The following NRG3 variants were observed in gnomAD, a reference collection of about 807,000 sequenced individuals.
NRG3 encodes neuregulin 3.
NRG3 carries 31 observed loss-of-function variants against 66.9 expected under a neutral mutation model. The observed-to-expected ratio is 0.46, with a 90% CI of 0.35 to 0.63. The LOEUF is 0.63. Ranked by LOEUF, NRG3 falls within the 20% of genes least tolerant of loss-of-function variation. NRG3 has a pLI of 0.00. For synonymous variants in NRG3, 393 were observed against 359.4 expected, an observed-to-expected ratio of 1.09 and a Z score of -1.06; for missense variants, 910 against 878.9, an observed-to-expected ratio of 1.04 and a Z score of -0.45.
intron 1 of NRG3, among the ~76,000 whole-genome samples, chr10:82,118,298 C>T (rs2067857544): frequency 6.6e-6 from 1 of 151,836 alleles, no homozygotes; most frequent in Non-Finnish European, 1.5e-5. Flanking sequence ...TCCAGGGGCC[C>T]TCTTTTTTCC....
chr10:82,911,631 T>C (rs1204954535), intron 4 of NRG3, among the ~76,000 whole-genome samples: 1 of 151,768 alleles, frequency 6.6e-6, no homozygotes, highest in East Asian at 1.9e-4. Context: ...TCTTTCATTT[T>C]TTTCTTAGTT....
intron 2 of NRG3, among the ~76,000 whole-genome samples, chr10:82,642,535 AGAT>A (rs2050655825): frequency 6.6e-6 from 1 of 152,006 alleles, no homozygotes; most frequent in South Asian, 2.1e-4. Context: ...ATAGAAAATC[AGAT>A]GATGGAGAAA....
At chr10:82,052,396 C>T (rs986194419) in intron 1 of NRG3, among the ~76,000 whole-genome samples, 3 of 141,294 alleles carry the variant, frequency 2.1e-5, no homozygotes, top group Non-Finnish European at 4.7e-5. Context: ...CTTACAGTGA[C>T]AGCCAACCAC....
chr10:82,639,022 C>G (rs984499768), intron 2 of NRG3, among the ~76,000 whole-genome samples: 2 of 152,136 alleles, frequency 1.3e-5, no homozygotes, highest in Non-Finnish European at 2.9e-5. Context: ...GAAAACATCC[C>G]CTTCAACTCT....
chr10:82,974,357 G>A (rs1347772632), intron 7 of NRG3, among the ~76,000 whole-genome samples: 1 of 152,084 alleles, frequency 6.6e-6, no homozygotes, highest in Non-Finnish European at 1.5e-5. Flanking sequence ...TTCTTCTTGG[G>A]TCTATAAAAT....
intron 2 of NRG3, among the ~76,000 whole-genome samples, chr10:82,616,247 A>G (rs1210527718): frequency 6.6e-6 from 1 of 152,156 alleles, no homozygotes; most frequent in Non-Finnish European, 1.5e-5. Context: ...ATTTAATTAG[A>G]TGTATTTTTT....
chr10:82,154,211 T>C (rs1406951252), intron 1 of NRG3, among the ~76,000 whole-genome samples: 1 of 152,022 alleles, frequency 6.6e-6, no homozygotes, highest in Non-Finnish European at 1.5e-5. Flanking sequence ...TCAGGCCTTA[T>C]ATTTAAGTCT....
chr10:82,414,850 A>G (rs1489816659), intron 2 of NRG3, among the ~76,000 whole-genome samples: 2 of 152,150 alleles, frequency 1.3e-5, no homozygotes, highest in Non-Finnish European at 2.9e-5. Flanking sequence ...TGAAAACAGG[A>G]AGGATTCTTG....
At chr10:82,824,133 G>A (rs1041959026) in intron 3 of NRG3, among the ~76,000 whole-genome samples, 7 of 151,954 alleles carry the variant, frequency 4.6e-5, no homozygotes, top group African/African-American at 1.7e-4. Flanking sequence ...TTATACTTAC[G>A]TAGCCTTTTG....
intron 3 of NRG3, among the ~76,000 whole-genome samples, chr10:82,814,104 G>A (rs2061608772): frequency 6.6e-6 from 1 of 152,224 alleles, no homozygotes; most frequent in South Asian, 2.1e-4. Context: ...CTCCTTTGAT[G>A]TAATTTGTAG....
At chr10:82,035,352 A>G (rs1488564089) in intron 1 of NRG3, among the ~76,000 whole-genome samples, 1 of 151,872 alleles carries the variant, frequency 6.6e-6, no homozygotes, top group East Asian at 1.9e-4. Context: ...AAATTCATAC[A>G]CTGTGATTTT....
chr10:82,906,978 A>C (rs61858785), intron 4 of NRG3, among the ~76,000 whole-genome samples: 7,081 of 152,322 alleles, frequency 0.046, 208 homozygotes, highest in South Asian at 0.15. Context: ...TGGCAAAATA[A>C]CAGAAGTTGA....
At position 81,947,783 on chromosome 10, in the gene NRG3, C is replaced by T. The variant is rs192038108; in HGVS notation, c.823+71620C>T. Reference sequence around the variant, plus strand: ...GTAGCTAATATGACAAAAGTGCCGTCGGGGACTTCAGCACTTCATTATCGC... The same window carrying T: ...GTAGCTAATATGACAAAAGTGCCGTTGGGGACTTCAGCACTTCATTATCGC... On this transcript the variant is annotated intron_variant, in intron 1 of 8. Coordinates refer to ENST00000372141, the MANE Select transcript of NRG3 (RefSeq NM_001010848.4). Among the ~76,000 whole-genome samples, 47 of 152,122 alleles carry T rather than the reference C, an allele frequency of 3.1e-4. No individual in the cohort carries two copies. In the East Asian group the frequency reaches 3.1e-3, roughly 10 times the overall value.
intron 2 of NRG3, among the ~76,000 whole-genome samples, chr10:82,471,875 G>A (rs1841300277): frequency 6.8e-6 from 1 of 146,424 alleles, no homozygotes; most frequent in Non-Finnish European, 1.5e-5. Flanking sequence ...GGCTACAAGA[G>A]CAAGACTCCA....
intron 2 of NRG3, among the ~76,000 whole-genome samples, chr10:82,681,011 G>A (rs769271780): frequency 5.3e-5 from 8 of 152,164 alleles, no homozygotes; most frequent in Non-Finnish European, 7.3e-5. Flanking sequence ...GTTTTCTCTA[G>A]AGCCTTGAAG....
chr10:82,102,551 TTTGGGGGCATTA>T (rs1041813313), intron 1 of NRG3, among the ~76,000 whole-genome samples: 1 of 151,714 alleles, frequency 6.6e-6, no homozygotes, highest in Non-Finnish European at 1.5e-5. Context: ...TTTCCTGCTT[TTTGGGGGCATTA>T]TTTGAATATT....
At chr10:82,003,146 AAG>A (rs1485139733) in intron 1 of NRG3, among the ~76,000 whole-genome samples, 1 of 152,094 alleles carries the variant, frequency 6.6e-6, no homozygotes, top group Non-Finnish European at 1.5e-5. Context: ...GGGAGGGGAA[AAG>A]AGAGGGGAGA....
intron 1 of NRG3, among the ~76,000 whole-genome samples, chr10:81,920,489 A>C (rs567645478): frequency 1.3e-5 from 2 of 152,182 alleles, no homozygotes; most frequent in East Asian, 3.9e-4. Context: ...AAGCATGACT[A>C]TCCATGTCTA....
intron 3 of NRG3, among the ~76,000 whole-genome samples, chr10:82,840,493 T>G (rs1246191062): frequency 6.6e-6 from 1 of 152,214 alleles, no homozygotes; most frequent in Admixed American, 6.5e-5. Flanking sequence ...ATTGGAGGCT[T>G]GCAATGTACT....
Sources: gnomAD v4.1 joint callset for allele counts (sites outside exome capture counted in the v4.1 genomes callset) on GRCh38, gnomAD v4.1.1 for gene constraint, MANE v1.5 for transcripts, NCBI Gene and HGNC (gene_info 2026-07-23, HGNC 2026-07-21) for gene names.